The following SCHIP1 variants were observed in gnomAD, a reference collection of about 807,000 sequenced individuals.
SCHIP1 encodes schwannomin-interacting protein 1.
Under a neutral mutation model 29.7 loss-of-function variants are expected in SCHIP1, and 8 were observed. That is an observed-to-expected ratio of 0.27 (90% CI 0.16 to 0.49). The LOEUF (loss-of-function observed/expected upper bound fraction) is 0.49. SCHIP1 is among the 20% of genes least tolerant of loss of function. The pLI is 0.99. For missense variants in SCHIP1, 193 were observed against 294.6 expected (o/e 0.66, Z 2.52); for synonymous variants, 76 against 94.9 (o/e 0.80, Z 1.16).
the SCHIP1 span, among the ~76,000 whole-genome samples, chr3:159,308,057 A>G: frequency 6.6e-6 from 1 of 151,512 alleles, no homozygotes; most frequent in Non-Finnish European, 1.5e-5. Context: ...TTGGTTATTT[A>G]GGCTCTTTTT....
At chr3:159,491,439 G>T in the SCHIP1 span, among the ~76,000 whole-genome samples, 1 of 152,206 alleles carries the variant, frequency 6.6e-6, no homozygotes, top group Non-Finnish European at 1.5e-5. Context: ...TTTAACAAAT[G>T]GCACACCAGG....
the SCHIP1 span, among the ~76,000 whole-genome samples, chr3:159,286,759 G>A: frequency 0.016 from 2,480 of 152,136 alleles, 63 homozygotes; most frequent in African/African-American, 0.058. Context: ...TTTTAATAAT[G>A]ATCATTCAGA....
chr3:159,680,236 C>T, the SCHIP1 span, among the ~76,000 whole-genome samples: 4 of 151,760 alleles, frequency 2.6e-5, no homozygotes, highest in Admixed American at 2.0e-4. Context: ...CAGGGCCAGG[C>T]GCGGTGGCTA....
At chr3:159,278,891 A>G in the SCHIP1 span, among the ~76,000 whole-genome samples, 1 of 152,186 alleles carries the variant, frequency 6.6e-6, no homozygotes, top group Admixed American at 6.5e-5. Flanking sequence ...TTCTTCATAT[A>G]GTCATTCAGA....
At chr3:159,776,143 T>C in the SCHIP1 span, among the ~76,000 whole-genome samples, 1 of 152,220 alleles carries the variant, frequency 6.6e-6, no homozygotes, top group African/African-American at 2.4e-5. Flanking sequence ...AAAAATAACA[T>C]GTTTTCAAAT....
the SCHIP1 span, among the ~76,000 whole-genome samples, chr3:159,638,271 C>G: frequency 6.6e-6 from 1 of 152,320 alleles, no homozygotes; most frequent in South Asian, 2.1e-4. Context: ...CTCTGTCACT[C>G]TACAAGATTT....
the SCHIP1 span, among the ~76,000 whole-genome samples, chr3:159,611,724 G>A: frequency 6.6e-6 from 1 of 152,094 alleles, no homozygotes; most frequent in Non-Finnish European, 1.5e-5. Context: ...TCCCAAAATA[G>A]CATAGGTAAA....
At chr3:159,889,133 A>G (rs1343030012) in intron 5 of SCHIP1, among the ~76,000 whole-genome samples, 190 bp downstream of exon 6, 1 of 152,170 alleles carries the variant, frequency 6.6e-6, no homozygotes, top group Non-Finnish European at 1.5e-5. Context: ...AAGCTTTAAG[A>G]ATTTTTCAAG....
chr3:159,488,011 T>C, the SCHIP1 span, among the ~76,000 whole-genome samples: 1 of 152,206 alleles, frequency 6.6e-6, no homozygotes, highest in African/African-American at 2.4e-5. Context: ...GGGCAGGAAT[T>C]GTGCTTTTTC....
Position 159,877,978 on chromosome 3 carries a change from C to A in SCHIP1, c.150-8229C>A, listed in dbSNP as rs547863591. Among the ~76,000 whole-genome samples the A allele has an allele frequency of 7.9e-5, 12 of 152,300 alleles. No individual in the cohort carries two copies. In the South Asian group the frequency reaches 2.5e-3, roughly 32 times the overall value. On this transcript the variant is annotated intron_variant, in intron 2 of 6. Transcript: ENST00000445224. ...ATCAGAGTCCATCCACAGAAATGTT[C>A]TCTTATAAGAAAATATGTTTCTTGC... is the stretch of plus-strand genomic sequence containing the variant.
chr3:159,854,814 A>C (rs566558509), intron 1 of SCHIP1, among the ~76,000 whole-genome samples: 1 of 152,316 alleles, frequency 6.6e-6, no homozygotes, highest in South Asian at 2.1e-4. Flanking sequence ...AAAATGAAAC[A>C]TACCATTGCT....
the SCHIP1 span, among the ~76,000 whole-genome samples, chr3:159,390,121 A>T: frequency 6.6e-6 from 1 of 152,018 alleles, no homozygotes; most frequent in Non-Finnish European, 1.5e-5. Context: ...CCATTATTTA[A>T]CATATTATTG....
the SCHIP1 span, among the ~76,000 whole-genome samples, chr3:159,544,168 A>G: frequency 7.5e-3 from 1,148 of 152,206 alleles, 15 homozygotes; most frequent in African/African-American, 0.026. Context: ...CATTATATAT[A>G]CATACATATA....
chr3:159,394,958 G>A, the SCHIP1 span, among the ~76,000 whole-genome samples: 1 of 152,168 alleles, frequency 6.6e-6, no homozygotes, highest in Non-Finnish European at 1.5e-5. Flanking sequence ...ACTCTTTTTG[G>A]TTGGTAAGCT....
the SCHIP1 span, among the ~76,000 whole-genome samples, chr3:159,301,460 G>C: frequency 6.6e-6 from 1 of 152,142 alleles, no homozygotes; most frequent in African/African-American, 2.4e-5. Context: ...AACTACATGG[G>C]AAGAGTTTTT....
At chr3:159,689,720 TA>T in the SCHIP1 span, among the ~76,000 whole-genome samples, 4 of 152,344 alleles carry the variant, frequency 2.6e-5, no homozygotes, top group Admixed American at 2.6e-4. Context: ...TTCAGTATGA[TA>T]TTGGCTGTGG....
the SCHIP1 span, among the ~76,000 whole-genome samples, chr3:159,421,255 T>C: frequency 2.6e-5 from 4 of 152,232 alleles, no homozygotes; most frequent in South Asian, 2.1e-4. Context: ...AGCTGGAATG[T>C]ATATTTTACA....
At chr3:159,812,288 A>C in the SCHIP1 span, among the ~76,000 whole-genome samples, 1 of 152,156 alleles carries the variant, frequency 6.6e-6, no homozygotes, top group South Asian at 2.1e-4. Flanking sequence ...TTCAGTGTAT[A>C]AGTCTTGCAC....
chr3:159,296,269 C>G, the SCHIP1 span, among the ~76,000 whole-genome samples: 1 of 152,024 alleles, frequency 6.6e-6, no homozygotes, highest in South Asian at 2.1e-4. Flanking sequence ...CTGAATTTCC[C>G]AAGTACCCCA....
Sources: allele counts gnomAD v4.1 joint callset (sites outside exome capture counted in the v4.1 genomes callset), GRCh38; gene constraint gnomAD v4.1.1; transcripts MANE v1.5; gene names NCBI Gene and HGNC (gene_info 2026-07-23, HGNC 2026-07-21).